NBAS: variants seen among roughly 807,000 people sequenced by gnomAD.
The protein encoded by NBAS is NAG/BC035112 fusion.
In NBAS, 219 loss-of-function variants were observed where a neutral mutation model predicts 302.5. The ratio of observed to expected loss-of-function variants is 0.72; its 90% CI spans 0.65 to 0.81. The LOEUF is 0.81. NBAS is among the 30% of genes least tolerant of loss of function. NBAS has a pLI of 0.00. For synonymous variants in NBAS, 1,118 were observed against 1,021.6 expected (o/e 1.09, Z -1.80); for missense variants, 2,932 against 2,841.6 (o/e 1.03, Z -0.72).
chr2:15,353,408 T>C (rs992051711), intron 34 of NBAS, 145 bp downstream of exon 34: 3 of 1,004,600 alleles, frequency 3.0e-6, no homozygotes, highest in South Asian at 2.7e-5. Flanking sequence ...TATTTTCATG[T>C]CCCTTTTCCA....
At chr2:15,165,133 T>G (rs1016853252), downstream of NBAS, among the ~76,000 whole-genome samples, 10 of 152,376 alleles carry the variant, frequency 6.6e-5, no homozygotes, top group Middle Eastern at 3.4e-3. Context: ...TATAACAGAC[T>G]GTGTTTCTCA....
intron 35 of NBAS, among the ~76,000 whole-genome samples, chr2:15,347,508 T>C (rs1673150471): frequency 6.6e-6 from 1 of 152,216 alleles, no homozygotes; most frequent in African/African-American, 2.4e-5. Context: ...ATTTTACAAA[T>C]TCAAACTAGC....
chr2:15,175,530 A>G (rs977219206), intron 51 of NBAS, among the ~76,000 whole-genome samples: 2 of 152,196 alleles, frequency 1.3e-5, no homozygotes, highest in Non-Finnish European at 2.9e-5. Context: ...CGAGTCAAAC[A>G]CATCAGCAGC....
chr2:15,195,925 T>C (rs1160473324), intron 48 of NBAS, among the ~76,000 whole-genome samples: 3 of 152,176 alleles, frequency 2.0e-5, no homozygotes, highest in Admixed American at 6.5e-5. Context: ...CCATGGAGCA[T>C]GTGGACAGCT....
At chr2:14,786,009 G>T in the NBAS span, among the ~76,000 whole-genome samples, 1 of 152,126 alleles carries the variant, frequency 6.6e-6, no homozygotes, top group Admixed American at 6.5e-5. Context: ...GCCTGTTATT[G>T]GTCTATTCAG....
At chr2:15,229,347 CAAAAAAAAAAAAAA>C (rs61152926) in intron 47 of NBAS, among the ~76,000 whole-genome samples, 1,440 of 77,020 alleles carry the variant, frequency 0.019, 37 homozygotes, top group African/African-American at 0.06. Flanking sequence ...TCTCAAAAAA[CAAAAAAAAAAAAAA>C]AAAAAAAAAA....
intron 41 of NBAS, among the ~76,000 whole-genome samples, chr2:15,288,800 C>T (rs1048532380): frequency 6.6e-6 from 1 of 152,194 alleles, no homozygotes; most frequent in Non-Finnish European, 1.5e-5. Context: ...TGTATTTCCC[C>T]AAGCTAAGGA....
the NBAS span, among the ~76,000 whole-genome samples, chr2:15,037,667 T>G: frequency 6.6e-6 from 1 of 152,234 alleles, no homozygotes; most frequent in Non-Finnish European, 1.5e-5. Context: ...TACAGTACCA[T>G]GGAATCTAGA....
intron 13 of NBAS, among the ~76,000 whole-genome samples, chr2:15,477,764 C>T (rs1270101265): frequency 6.6e-6 from 1 of 152,070 alleles, no homozygotes; most frequent in Non-Finnish European, 1.5e-5. Context: ...ACAATTATTA[C>T]TTTTATTTAA....
intron 21 of NBAS, among the ~76,000 whole-genome samples, chr2:15,459,669 T>TG (rs1679421812): frequency 6.6e-6 from 1 of 151,968 alleles, no homozygotes; most frequent in South Asian, 2.1e-4. Flanking sequence ...TTAGTAGAGA[T>TG]GGGGTTTCAC....
At chr2:15,052,605 G>C in the NBAS span, among the ~76,000 whole-genome samples, 1 of 152,178 alleles carries the variant, frequency 6.6e-6, no homozygotes, top group Non-Finnish European at 1.5e-5. Context: ...CATGTGTCCA[G>C]AGGCCTCATC....
chr2:14,864,192 C>T, the NBAS span, among the ~76,000 whole-genome samples: 1 of 151,998 alleles, frequency 6.6e-6, no homozygotes, highest in East Asian at 1.9e-4. Context: ...TAGCACACAC[C>T]TATAATCCCA....
Position 15,277,104 on chromosome 2 carries a change from G to C in NBAS, c.5139-3C>G. ...TTTCAATTTCTAGTGTGGACAAACT[G>C]AAATTAAGAGCCAAAGGAACTGTGT... On this transcript the variant is annotated splice_polypyrimidine_tract_variant and splice_region_variant and intron_variant, in intron 42 of 51. Transcript: ENST00000281513. The C allele has an allele frequency of 1.2e-6, 2 of 1,613,424 alleles. No individual in the cohort carries two copies. The highest frequency in any genetic ancestry group is 1.7e-6 in the Non-Finnish European group (2 of 1,179,780).
the NBAS span, among the ~76,000 whole-genome samples, chr2:14,791,070 G>A: frequency 6.6e-6 from 1 of 152,096 alleles, no homozygotes; most frequent in South Asian, 2.1e-4. Flanking sequence ...GGTCAGGCTG[G>A]TCTCAAACTC....
At chr2:15,042,928 G>A in the NBAS span, among the ~76,000 whole-genome samples, 21 of 152,288 alleles carry the variant, frequency 1.4e-4, no homozygotes, top group African/African-American at 4.6e-4. Flanking sequence ...CTGATGCAAC[G>A]ACTTGACTCT....
the NBAS span, among the ~76,000 whole-genome samples, chr2:15,065,725 A>C: frequency 9.4e-6 from 1 of 106,676 alleles, no homozygotes; most frequent in Non-Finnish European, 2.4e-5. Context: ...CAACACATTG[A>C]TTTAAAAAAA....
At chr2:15,052,622 T>A in the NBAS span, among the ~76,000 whole-genome samples, 6 of 152,228 alleles carry the variant, frequency 3.9e-5, no homozygotes, top group African/African-American at 1.4e-4. Context: ...CATCGACTCA[T>A]GACACTATAA....
the NBAS span, among the ~76,000 whole-genome samples, chr2:15,015,554 A>T: frequency 6.6e-6 from 1 of 152,218 alleles, no homozygotes; most frequent in Admixed American, 6.5e-5. Flanking sequence ...TTATCTCAAT[A>T]GATACAGAAA....
chr2:14,903,340 A>G, the NBAS span, among the ~76,000 whole-genome samples: 1 of 146,048 alleles, frequency 6.8e-6, no homozygotes, highest in African/African-American at 2.5e-5. Flanking sequence ...AAAAAAAAAA[A>G]AGAAAGAAAC....
Sources: allele counts gnomAD v4.1 joint callset (sites outside exome capture counted in the v4.1 genomes callset), GRCh38; gene constraint gnomAD v4.1.1; transcripts MANE v1.5; gene names NCBI Gene and HGNC (gene_info 2026-07-23, HGNC 2026-07-21).